PCDHA12: variants seen among roughly 807,000 people sequenced by gnomAD.
PCDHA12 encodes the protein protocadherin alpha 12, also known as protocadherin alpha-12.
PCDHA12 carries 44 observed loss-of-function variants against 60.0 expected under a neutral mutation model. The ratio of observed to expected loss-of-function variants is 0.73; its 90% CI spans 0.58 to 0.94. PCDHA12 has a LOEUF of 0.94. PCDHA12 is among the 40% of genes least tolerant of loss of function. PCDHA12 has a pLI of 0.00. For synonymous variants in PCDHA12, 569 were observed against 553.0 expected (o/e 1.03, Z -0.40); for missense variants, 1,276 against 1,239.7 (o/e 1.03, Z -0.44).
intron 1 of PCDHA12, among the ~76,000 whole-genome samples, chr5:140,879,977 C>T (rs1285167233): frequency 6.6e-6 from 1 of 152,174 alleles, no homozygotes; most frequent in African/African-American, 2.4e-5. Flanking sequence ...AAACTCCTTT[C>T]AAGATCCTTA....
At position 140,967,719 on chromosome 5, in the gene PCDHA12, G is replaced by A. The variant is rs1422649398; in HGVS notation, c.2368-11230G>A. On this transcript the variant is annotated intron_variant, in intron 1 of 3. Coordinates refer to ENST00000398631, the MANE Select transcript of PCDHA12 (RefSeq NM_018903.4). ...ATAGATGCCAGTACCGGGGAAGTGC[G>A]AGTAATTGGGGGGCTGGATTATGAG... 3 of 1,614,052 alleles carry A rather than the reference G, an allele frequency of 1.9e-6. No individual in the cohort carries two copies. In the African/African-American group the frequency reaches 4.0e-5, roughly 22 times the overall value.
At chr5:140,932,192 T>C (rs1359260162) in intron 1 of PCDHA12, among the ~76,000 whole-genome samples, 4 of 151,968 alleles carry the variant, frequency 2.6e-5, no homozygotes, top group African/African-American at 9.6e-5. Context: ...GTCCATTTTT[T>C]TCTGTTAATA....
chr5:140,884,183 G>A (rs201206731), intron 1 of PCDHA12: 1 of 1,613,424 alleles, frequency 6.2e-7, no homozygotes, highest in Non-Finnish European at 8.5e-7. Flanking sequence ...CCCTCTGGAC[G>A]AGGTGGACGC....
Position 140,876,058 on chromosome 5 carries a change from C to G in PCDHA12, c.586C>G (p.Leu196Val). ...KDKSILPELV[L>V]RKLLDREQTP... ...TAAAAGTATATTGCCTGAATTAGTT[C>G]TTCGGAAGTTATTGGACAGAGAGCA... The change falls in exon 1 of 4, where the codon CTT becomes GTT. Residue 196 changes from leucine (L) to valine (V), a missense_variant. By Grantham distance (32) the Leu-to-Val change is conservative. Transcript: ENST00000398631. The G allele has an allele frequency of 2.5e-6, 4 of 1,613,868 alleles. No individual in the cohort carries two copies. Among genetic ancestry groups the G allele is most frequent in the Non-Finnish European group, 3.4e-6 (4 of 1,179,874 alleles).
Position 140,875,837 on chromosome 5 carries a change from A to T in PCDHA12, c.365A>T (p.Glu122Val). Residue 122 changes from glutamate (E) to valine (V), a missense_variant, in exon 1 of 4, where the codon GAG becomes GTG. Coordinates refer to ENST00000398631, the MANE Select transcript of PCDHA12 (RefSeq NM_018903.4). ...CTGCAGGTTTTCCATGTGGACGTGG[A>T]GGTGAAGGACATTAACGACAACCCG... The part of the protein sequence containing the change: ...RPLQVFHVDV[E>V]VKDINDNPPV... 1 of 1,614,140 alleles carries T rather than the reference A, an allele frequency of 6.2e-7. No homozygotes were observed. Among genetic ancestry groups the T allele is most frequent in the Non-Finnish European group, 8.5e-7 (1 of 1,180,012 alleles).
At chr5:140,971,782 A>G (rs1458049076) in intron 1 of PCDHA12, among the ~76,000 whole-genome samples, 1 of 152,166 alleles carries the variant, frequency 6.6e-6, no homozygotes, top group Non-Finnish European at 1.5e-5. Context: ...ATTCAAGATT[A>G]TTCAATATAT....
At chr5:140,956,057 T>C (rs2095252530) in intron 1 of PCDHA12, among the ~76,000 whole-genome samples, 1 of 152,308 alleles carries the variant, frequency 6.6e-6, no homozygotes, top group South Asian at 2.1e-4. Flanking sequence ...GCTGAGACAA[T>C]GGGGTTTTCC....
chr5:140,923,171 G>T (rs1236853762), intron 1 of PCDHA12, among the ~76,000 whole-genome samples: 1 of 152,112 alleles, frequency 6.6e-6, no homozygotes, highest in Non-Finnish European at 1.5e-5. Flanking sequence ...ATAAATTTTT[G>T]TTCAGATGCA....
At chr5:140,971,844 C>T (rs1209652703) in intron 1 of PCDHA12, among the ~76,000 whole-genome samples, 2 of 151,920 alleles carry the variant, frequency 1.3e-5, no homozygotes, top group African/African-American at 2.4e-5. Flanking sequence ...GCAAGTCATG[C>T]GTTAAATATT....
chr5:140,941,446 G>C (rs1241311664), intron 1 of PCDHA12, among the ~76,000 whole-genome samples: 1 of 150,694 alleles, frequency 6.6e-6, no homozygotes, highest in African/African-American at 2.4e-5. Flanking sequence ...CTCGGGAGTA[G>C]CTGGGATTAC....
intron 1 of PCDHA12, among the ~76,000 whole-genome samples, chr5:140,917,473 C>G (rs1355146896): frequency 1.3e-5 from 2 of 152,196 alleles, no homozygotes; most frequent in Admixed American, 1.3e-4. Flanking sequence ...GTCATGAAAT[C>G]TTTGCCAGGG....
chr5:140,969,214 A>G (rs906572071), intron 1 of PCDHA12: 5 of 1,614,194 alleles, frequency 3.1e-6, no homozygotes, highest in Non-Finnish European at 4.2e-6. Context: ...CCCAGACAGG[A>G]CCAGGGCCTT....
chr5:140,916,174 C>A (rs2077467805), intron 1 of PCDHA12, among the ~76,000 whole-genome samples: 1 of 152,124 alleles, frequency 6.6e-6, no homozygotes, highest in Non-Finnish European at 1.5e-5. Flanking sequence ...AGGCCTGGGA[C>A]TCTTCAAGGA....
intron 2 of PCDHA12, 69 bp downstream of exon 2, chr5:140,979,076 C>G: frequency 6.3e-7 from 1 of 1,584,068 alleles, no homozygotes; most frequent in South Asian, 1.1e-5. Flanking sequence ...AACTGCATCT[C>G]CATAGGCCAG....
chr5:140,877,821 T>A lies in PCDHA12; in HGVS notation c.2349T>A (p.Cys783Ter). ...GCCTTCAGCTGTCTCGAGAAGATTG[T>A]TTAAATCCTCCCAGTGAAGTAAGTT... ...SPSLQLSRED[C>*]LNPPSEPRQP... The change falls in exon 1 of 4, where the codon TGT becomes TGA. Residue 783 changes from cysteine to a stop codon, truncating the protein, a stop_gained. Coordinates refer to ENST00000398631, the MANE Select transcript of PCDHA12 (RefSeq NM_018903.4). LOFTEE classifies it high-confidence loss of function. 1 of 1,603,344 alleles carries A rather than the reference T, an allele frequency of 6.2e-7. No individual in the cohort carries two copies. The highest frequency in any genetic ancestry group is 2.2e-5 in the East Asian group (1 of 44,794).
chr5:140,975,149 T>A (rs990599895), intron 1 of PCDHA12, among the ~76,000 whole-genome samples: 1 of 152,202 alleles, frequency 6.6e-6, no homozygotes, highest in Non-Finnish European at 1.5e-5. Flanking sequence ...CACTCTCAGT[T>A]CCTAGAGAAC....
intron 1 of PCDHA12, among the ~76,000 whole-genome samples, chr5:140,939,244 A>AG: frequency 6.6e-6 from 1 of 152,270 alleles, no homozygotes; most frequent in Admixed American, 6.5e-5. Flanking sequence ...GGAGCAAGGT[A>AG]GCTCTCTGGA....
chr5:141,001,020 TATA>T (rs539315208), intron 3 of PCDHA12, among the ~76,000 whole-genome samples: 5 of 152,250 alleles, frequency 3.3e-5, no homozygotes, highest in Non-Finnish European at 5.9e-5. Context: ...GATATACACT[TATA>T]ATAATAGCTT....
At chr5:140,883,575 GGGCCAC>G (rs1239547262) in intron 1 of PCDHA12, 1 of 1,613,954 alleles carries the variant, frequency 6.2e-7, no homozygotes, top group African/African-American at 1.3e-5. Flanking sequence ...CCTTCGCTGT[GGGCCAC>G]GGCCAGCGTG....
Sources: allele counts gnomAD v4.1 joint callset (sites outside exome capture counted in the v4.1 genomes callset), GRCh38; gene constraint gnomAD v4.1.1; transcripts MANE v1.5; gene names NCBI Gene and HGNC (gene_info 2026-07-23, HGNC 2026-07-21).